Variants in SGCD observed in about 807,000 individuals in gnomAD.
SGCD encodes delta-sarcoglycan.
In SGCD, 18 loss-of-function variants were observed where a neutral mutation model predicts 36.6. The ratio of observed to expected loss-of-function variants is 0.49; its 90% CI spans 0.34 to 0.73. The LOEUF (loss-of-function observed/expected upper bound fraction) is 0.73, where lower values mean the gene tolerates loss of function less well. SGCD is among the 30% of genes least tolerant of loss of function. SGCD has a pLI of 0.01. For missense variants in SGCD, 387 were observed against 346.7 expected, an observed-to-expected ratio of 1.12 and a Z score of -0.92; for synonymous variants, 133 against 130.6, an observed-to-expected ratio of 1.02 and a Z score of -0.12.
intron 1 of SGCD, among the ~76,000 whole-genome samples, chr5:156,031,705 C>T (rs770443170): frequency 1.3e-4 from 20 of 152,138 alleles, no homozygotes; most frequent in Admixed American, 9.8e-4. Context: ...GCATTTTGCA[C>T]GGATTACCTA....
At chr5:156,593,672 C>G (rs1760814849) in intron 5 of SGCD, among the ~76,000 whole-genome samples, 1 of 152,154 alleles carries the variant, frequency 6.6e-6, no homozygotes, top group African/African-American at 2.4e-5. Flanking sequence ...AGTCCTTTCT[C>G]ATGACTTCTT....
the SGCD span, among the ~76,000 whole-genome samples, chr5:155,746,283 G>T: frequency 5.3e-5 from 8 of 152,056 alleles, no homozygotes; most frequent in Admixed American, 1.3e-4. Flanking sequence ...TTGGAGTAAA[G>T]AATTCAGCCA....
At chr5:155,980,801 A>C (rs1028384087) in intron 1 of SGCD, among the ~76,000 whole-genome samples, 3 of 152,096 alleles carry the variant, frequency 2.0e-5, no homozygotes, top group Admixed American at 2.0e-4. Context: ...CTCCCAAAGA[A>C]ACACAAAAAA....
intron 3 of SGCD, among the ~76,000 whole-genome samples, chr5:156,270,627 T>C (rs1430193986): frequency 6.6e-6 from 1 of 152,140 alleles, no homozygotes; most frequent in Admixed American, 6.5e-5. Context: ...TTCAGAGGTA[T>C]GTGATATGTT....
At chr5:156,341,157 T>C (rs559152426) in intron 2 of SGCD, among the ~76,000 whole-genome samples, 1 of 152,250 alleles carries the variant, frequency 6.6e-6, no homozygotes, top group African/African-American at 2.4e-5. Context: ...TCTAATTTGC[T>C]GTGTGACTTG....
rs1757620307 is a variant in SGCD, at chr5:156,767,769, A to G, written c.*8379A>G. The G allele has an allele frequency of 6.6e-6, 1 of 152,224 alleles. No homozygotes were observed. Among genetic ancestry groups the G allele is most frequent in the African/African-American group, 2.4e-5 (1 of 41,470 alleles). The allele number at this position is 152,224 out of a possible 1,614,324, so 9.4% of individuals were successfully genotyped here. A position where few individuals can be genotyped will look rare whatever the true frequency, so the allele number is the denominator to read the frequency against. On this transcript the variant is annotated 3_prime_UTR_variant, in exon 9 of 9. Coordinates refer to ENST00000337851, the MANE Select transcript of SGCD (RefSeq NM_000337.6). The stretch of plus-strand genomic sequence containing the variant: ...TCTTGTAAAATATATTAATAAAAAT[A>G]ATGATTGGTAAGAAGGAAAGCACCC...
chr5:156,049,773 G>A (rs1759867846), intron 1 of SGCD, among the ~76,000 whole-genome samples: 1 of 146,530 alleles, frequency 6.8e-6, no homozygotes, highest in Non-Finnish European at 1.5e-5. Flanking sequence ...ACATGAGCAT[G>A]ACTTGGGAAA....
At chr5:156,612,628 C>T (rs899175741) in intron 6 of SGCD, among the ~76,000 whole-genome samples, 11 of 152,344 alleles carry the variant, frequency 7.2e-5, no homozygotes, top group African/African-American at 2.6e-4. Context: ...TTTAAGGCAG[C>T]ATCTCAGCTG....
At chr5:155,810,390 A>T in the SGCD span, among the ~76,000 whole-genome samples, 2 of 152,168 alleles carry the variant, frequency 1.3e-5, no homozygotes, top group African/African-American at 2.4e-5. Context: ...AAAGCTTTGC[A>T]AGATATTTTG....
At chr5:155,904,427 T>G (rs78986333) in intron 1 of SGCD, among the ~76,000 whole-genome samples, 2,446 of 152,342 alleles carry the variant, frequency 0.016, 82 homozygotes, top group African/African-American at 0.056. Context: ...ATTCATAGTG[T>G]TGTACAACCA....
chr5:155,862,410 C>T, the SGCD span, among the ~76,000 whole-genome samples: 1 of 152,088 alleles, frequency 6.6e-6, no homozygotes, highest in Middle Eastern at 3.2e-3. Flanking sequence ...CTCACTGCAG[C>T]CTTGAACTAA....
chr5:156,211,525 G>A (rs950474505), intron 3 of SGCD, among the ~76,000 whole-genome samples: 24 of 151,436 alleles, frequency 1.6e-4, no homozygotes, highest in African/African-American at 4.4e-4. Context: ...GGGGAATGGC[G>A]TGAACCTGGG....
chr5:155,911,152 T>A (rs1733632401), intron 1 of SGCD, among the ~76,000 whole-genome samples: 2 of 152,030 alleles, frequency 1.3e-5, no homozygotes, highest in Admixed American at 6.6e-5. Flanking sequence ...TGTCTCAAAG[T>A]ATCCAGGTTT....
chr5:156,098,442 G>T (rs1331468248), intron 1 of SGCD, among the ~76,000 whole-genome samples: 5 of 152,226 alleles, frequency 3.3e-5, no homozygotes, highest in African/African-American at 1.2e-4. Context: ...ATACAATTCT[G>T]TGGATTCTCT....
chr5:156,084,014 C>T (rs1029270298), intron 1 of SGCD, among the ~76,000 whole-genome samples: 2 of 152,044 alleles, frequency 1.3e-5, no homozygotes, highest in East Asian at 3.9e-4. Context: ...ATACAGTAAA[C>T]CTTAATATGA....
At chr5:155,920,465 G>A (rs561207836) in intron 1 of SGCD, among the ~76,000 whole-genome samples, 35 of 152,226 alleles carry the variant, frequency 2.3e-4, no homozygotes, top group Admixed American at 1.8e-3. Flanking sequence ...CTGTGATGGA[G>A]ACACACTGAG....
intron 3 of SGCD, among the ~76,000 whole-genome samples, chr5:156,383,987 C>T (rs1461014601): frequency 1.3e-5 from 2 of 152,204 alleles, no homozygotes; most frequent in Admixed American, 1.3e-4. Context: ...CTCTCATGCT[C>T]ATCCTAGGGT....
chr5:156,071,068 C>T (rs1208927428), intron 1 of SGCD, among the ~76,000 whole-genome samples: 1 of 151,898 alleles, frequency 6.6e-6, no homozygotes, highest in East Asian at 1.9e-4. Context: ...TTTGTTGATC[C>T]TTCCAAAAAG....
Position 156,222,540 on chromosome 5 carries a change from A to G in SGCD, c.-44+98521A>G, listed in dbSNP as rs1435576906. On this transcript the variant is annotated intron_variant, in intron 3 of 9. Coordinates refer to the SGCD transcript ENST00000517913. ...TATATCTTTGGTGACAGAAAATTTCAGGTAGAAGTTGGTATTTTAAAGAAT... is the reference window on the plus strand; with the variant it reads ...TATATCTTTGGTGACAGAAAATTTCGGGTAGAAGTTGGTATTTTAAAGAAT... Among the ~76,000 whole-genome samples the G allele has an allele frequency of 4.6e-5, 7 of 152,220 alleles. No individual in the cohort carries two copies. The East Asian group carries it at 1.2e-3, about 25-fold the overall frequency.
Sources: allele counts gnomAD v4.1 joint callset (sites outside exome capture counted in the v4.1 genomes callset), GRCh38; gene constraint gnomAD v4.1.1; transcripts MANE v1.5; gene names NCBI Gene and HGNC (gene_info 2026-07-23, HGNC 2026-07-21).